The following EPB42 variants were observed in gnomAD, a reference collection of about 807,000 sequenced individuals.
EPB42 encodes the protein protein 4.2.
Under a neutral mutation model 76.9 loss-of-function variants are expected in EPB42, and 49 were observed. That is an observed-to-expected ratio of 0.64 (90% CI 0.51 to 0.81). EPB42 has a LOEUF of 0.81. Among genes scored for constraint, EPB42 ranks in the 30% least tolerant of loss-of-function variants. The pLI, the probability that EPB42 is intolerant of heterozygous loss-of-function variation, is 0.00. For synonymous variants in EPB42, 310 were observed against 338.4 expected, an observed-to-expected ratio of 0.92 and a Z score of 0.92; for missense variants, 731 against 867.6, an observed-to-expected ratio of 0.84 and a Z score of 1.98.
Position 43,220,816 on chromosome 15 carries a change from C to T in EPB42, c.10G>A (p.Ala4Thr), listed in dbSNP as rs975511792. ...CCTGTCGAGCGCTGGCTTGGCTCAC[C>T]CTGTCCCATGGTTGCAGGCCGCTCC... Reference protein sequence around the residue: MGQALGIKSCDFQA... With the variant: MGQTLGIKSCDFQA... The change falls in exon 1 of 13, where the codon GCC becomes ACC. Residue 4 changes from alanine (A) to threonine (T), a missense_variant and splice_region_variant. By Grantham distance (58) the Ala-to-Thr change is moderately conservative. Transcript: ENST00000441366. 3.7e-6 allele frequency: 6 copies of T among 1,611,878 alleles called. No individual in the cohort carries two copies. The African/African-American group carries it at 4.0e-5, about 11-fold the overall frequency.
rs947824095 is a variant in EPB42, at chr15:43,220,935, C to T, written c.-110G>A. On this transcript the variant is annotated 5_prime_UTR_variant, in exon 1 of 13. Coordinates refer to ENST00000441366, the MANE Select transcript of EPB42 (RefSeq NM_001114134.2). ...GTCTTCCAGACAGAAAATATGAAGG[C>T]ACTTTTGTTGGCTTAAGAATCTGGA... is the stretch of plus-strand genomic sequence containing the variant. 2 of 1,014,846 alleles carry T rather than the reference C, an allele frequency of 2.0e-6. No homozygotes were observed. Among genetic ancestry groups the T allele is most frequent in the Non-Finnish European group, 1.5e-6 (1 of 653,488 alleles). 62.9% of individuals were successfully genotyped at this position (1,014,846 alleles called of 1,614,324 possible). A position where few individuals can be genotyped will look rare whatever the true frequency, so the allele number is the denominator to read the frequency against.
chr15:43,209,962 A>C (rs531559751), intron 5 of EPB42, among the ~76,000 whole-genome samples: 1 of 152,346 alleles, frequency 6.6e-6, no homozygotes, highest in East Asian at 1.9e-4. Flanking sequence ...ATTCTTATGA[A>C]TAATTTAGAA....
chr15:43,210,705 C>G (rs1174532917), intron 4 of EPB42, among the ~76,000 whole-genome samples: 1 of 152,124 alleles, frequency 6.6e-6, no homozygotes, highest in Non-Finnish European at 1.5e-5. Context: ...TGTGAGCTCT[C>G]GGGGACCCGT....
At position 43,220,854 on chromosome 15, in the gene EPB42, G is replaced by C. The variant is rs1363988788; in HGVS notation, c.-29C>G. The C allele has an allele frequency of 6.2e-7, 1 of 1,602,148 alleles. No individual in the cohort carries two copies. Among genetic ancestry groups the C allele is most frequent in the Admixed American group, 1.7e-5 (1 of 60,010 alleles). ...TGCAGGCCGCTCCTCTTATCCACTTGGCCGCAGAAAGCGCCTCTCTCAAAC... is the reference window on the plus strand; with the variant it reads ...TGCAGGCCGCTCCTCTTATCCACTTCGCCGCAGAAAGCGCCTCTCTCAAAC... On this transcript the variant is annotated 5_prime_UTR_variant, in exon 1 of 13. Coordinates refer to ENST00000441366, the MANE Select transcript of EPB42 (RefSeq NM_001114134.2).
chr15:43,215,141 T>G lies in EPB42; in HGVS notation c.384A>C (p.Gln128His). 5 of 1,613,934 alleles carry G rather than the reference T, an allele frequency of 3.1e-6. No homozygotes were observed. The highest frequency in any genetic ancestry group is 3.4e-6 in the Non-Finnish European group (4 of 1,179,968). Residue 128 changes from glutamine (Q) to histidine (H), a missense_variant, in exon 3 of 13, where the codon CAA becomes CAC. Transcript: ENST00000441366. ...GCAGTGTGAACTGACCCAAGAGGAG[T>G]TGCTTCCTGCCTGAGACCTGCAGCA... Reference protein sequence around the residue: ...SLLLQVSGRKQLLLGQFTLLF... With the variant: ...SLLLQVSGRKHLLLGQFTLLF...
At position 43,201,925 on chromosome 15, in the gene EPB42, TGGAGGCTGAC is replaced by T. The variant is rs1478487364; in HGVS notation, c.1822_1831del (p.Val608ArgfsTer4). The T allele has an allele frequency of 6.2e-7, 1 of 1,614,210 alleles. No individual in the cohort carries two copies. The highest frequency in any genetic ancestry group is 2.2e-5 in the East Asian group (1 of 44,892). The stretch of plus-strand genomic sequence containing the variant: ...CTCCATGGGGGCATCTAGGGAGTTC[TGGAGGCTGAC>T]TGAGGCTGTGAGGGGTTGATACTGC... On this transcript the variant is annotated frameshift_variant, in exon 12 of 13. Coordinates refer to ENST00000441366, the MANE Select transcript of EPB42 (RefSeq NM_001114134.2). LOFTEE classifies it high-confidence loss of function.
chr15:43,203,308 C>A, intron 10 of EPB42, 33 bp from the exon 11 acceptor site: 1 of 1,613,844 alleles, frequency 6.2e-7, no homozygotes, highest in Non-Finnish European at 8.5e-7. Flanking sequence ...TCAGTGGCAA[C>A]AGGTGTATGT....
intron 8 of EPB42, 38 bp from the exon 9 acceptor site, chr15:43,207,479 C>T (rs2042223838): frequency 6.2e-7 from 1 of 1,609,842 alleles, no homozygotes; most frequent in Non-Finnish European, 8.5e-7. Context: ...GGGAGCTGCG[C>T]CTAGACCTCT....
chr15:43,208,534 C>G (rs1201991320), intron 7 of EPB42, 103 bp downstream of exon 7: 3 of 1,576,334 alleles, frequency 1.9e-6, no homozygotes, highest in Non-Finnish European at 2.6e-6. Context: ...AAAGCCTACT[C>G]TCCATGCCAG....
chr15:43,215,609 ATACAT>A (rs2042366556), intron 2 of EPB42, among the ~76,000 whole-genome samples: 1 of 152,148 alleles, frequency 6.6e-6, no homozygotes. Context: ...AAGTACTTGC[ATACAT>A]CTGACAGGTA....
At chr15:43,212,847 G>A (rs1043645114) in intron 3 of EPB42, among the ~76,000 whole-genome samples, 2 of 152,188 alleles carry the variant, frequency 1.3e-5, no homozygotes, top group Admixed American at 1.3e-4. Flanking sequence ...CCCAGTGGCC[G>A]AGGTGGAGTG....
chr15:43,199,566 A>G (rs1352286632), intron 12 of EPB42, among the ~76,000 whole-genome samples: 1 of 152,014 alleles, frequency 6.6e-6, no homozygotes, highest in Non-Finnish European at 1.5e-5. Flanking sequence ...CTCGGGTGAG[A>G]CTTTGGATTG....
rs550621204 is a variant in EPB42 at position 43,212,365 on chromosome 15, G to A, written c.431-831C>T. 1.9e-3 allele frequency among the ~76,000 whole-genome samples: 172 copies of A among 90,140 alleles called. 1 individual carries two copies. Among genetic ancestry groups the A allele is most frequent in the Admixed American group, 3.6e-3 (24 of 6,582 alleles). The allele number at this position is 90,140 out of a possible 152,430, so 59.1% of individuals were successfully genotyped here. The stretch of plus-strand genomic sequence containing the variant: ...GCTTGGGCAACAAGAGTGAAACTCC[G>A]TCTCAAAAAAAAAAAAAAAAAGAAA... On this transcript the variant is annotated intron_variant, in intron 3 of 12. Transcript: ENST00000441366.
chr15:43,218,352 T>C (rs576396656), intron 1 of EPB42, among the ~76,000 whole-genome samples: 17 of 152,302 alleles, frequency 1.1e-4, no homozygotes, highest in Admixed American at 8.5e-4. Flanking sequence ...ATTCTTGTTC[T>C]GTCTAGAAGG....
In EPB42 at chr15:43,207,108, T is replaced by C. The variant is rs1325584576; in HGVS notation, c.1318+91A>G. The C allele has an allele frequency of 2.5e-6, 4 of 1,574,140 alleles. No homozygotes were observed. In the Admixed American group the frequency reaches 6.7e-5, roughly 27 times the overall value. ...TTTTATATGATGCGGAAAGGACAAGTCTCTTTCTGGCTGCATCTACCAGGC... is the reference window on the plus strand; with the variant it reads ...TTTTATATGATGCGGAAAGGACAAGCCTCTTTCTGGCTGCATCTACCAGGC... On this transcript the variant is annotated intron_variant, in intron 9 of 12. Coordinates refer to ENST00000441366, the MANE Select transcript of EPB42 (RefSeq NM_001114134.2).
chr15:43,211,039 G>A (rs1326497682), intron 4 of EPB42, among the ~76,000 whole-genome samples: 1 of 152,184 alleles, frequency 6.6e-6, no homozygotes, highest in East Asian at 1.9e-4. Context: ...AGCCCTTCCT[G>A]GCAGAGGGAA....
At chr15:43,220,303 C>T (rs1457836887) in intron 1 of EPB42, among the ~76,000 whole-genome samples, 1 of 152,074 alleles carries the variant, frequency 6.6e-6, no homozygotes, top group Non-Finnish European at 1.5e-5. Flanking sequence ...TTTGTGTCTG[C>T]CTCTGCCCCT....
At position 43,207,195 on chromosome 15, in the gene EPB42, G is replaced by A. The variant is rs45498491; in HGVS notation, c.1318+4C>T. On this transcript the variant is annotated splice_donor_region_variant and intron_variant, in intron 9 of 12. Coordinates refer to ENST00000441366, the MANE Select transcript of EPB42 (RefSeq NM_001114134.2). ...GAAGCCTGGGGCCCTTCCCTGGCCC[G>A]TACCTTCAGGATACTTGTAGTTCTG... The A allele has an allele frequency of 0.018, 29,707 of 1,613,806 alleles. 326 individuals are homozygous for A. The highest frequency in any genetic ancestry group is 0.049 in the Middle Eastern group (298 of 6,032).
chr15:43,216,137 A>G (rs1017005183), intron 2 of EPB42, 131 bp downstream of exon 2: 7 of 1,089,856 alleles, frequency 6.4e-6, no homozygotes, highest in Middle Eastern at 2.9e-4. Flanking sequence ...CTGCCCTGCC[A>G]GGTGGGCAGG....
Sources: gnomAD v4.1 joint callset for allele counts (sites outside exome capture counted in the v4.1 genomes callset) on GRCh38, gnomAD v4.1.1 for gene constraint, MANE v1.5 for transcripts, NCBI Gene and HGNC (gene_info 2026-07-23, HGNC 2026-07-21) for gene names.